The following TMEM151A variants were observed in gnomAD, a reference collection of about 807,000 sequenced individuals.
The protein encoded by TMEM151A is transmembrane protein 151A.
A neutral mutation model predicts 33.7 loss-of-function variants in TMEM151A; 21 were observed. The observed-to-expected ratio is 0.62, with a 90% confidence interval of 0.44 to 0.90. TMEM151A has a LOEUF of 0.90. Ranked by LOEUF, TMEM151A falls within the 40% of genes least tolerant of loss-of-function variation. The pLI, the probability that TMEM151A is intolerant of heterozygous loss-of-function variation, is 0.00. For missense variants in TMEM151A, 704 were observed against 697.7 expected, an observed-to-expected ratio of 1.01 and a Z score of -0.10; for synonymous variants, 374 against 330.3, an observed-to-expected ratio of 1.13 and a Z score of -1.43.
Position 66,292,488 on chromosome 11 carries a change from G to C in TMEM151A, c.75+400G>C, listed in dbSNP as rs561542189. 1.3e-5 allele frequency among the ~76,000 whole-genome samples: 2 copies of C among 152,204 alleles called. No homozygotes were observed. The highest frequency in any genetic ancestry group is 4.8e-5 in the African/African-American group (2 of 41,448). ...CGCCTGCAATGCAGCAGCAGTCGCAGAGCCTAGAGGGGAGGAGGGGAAGAG... is the reference window on the plus strand; with the variant it reads ...CGCCTGCAATGCAGCAGCAGTCGCACAGCCTAGAGGGGAGGAGGGGAAGAG... On this transcript the variant is annotated intron_variant, in intron 1 of 1. Coordinates refer to ENST00000327259, the MANE Select transcript of TMEM151A (RefSeq NM_153266.4). The surrounding 1 kb of genome is among the most constrained non-coding windows in gnomAD (Gnocchi z 4.7).
rs1590899762 is a variant in TMEM151A at position 66,292,191 on chromosome 11, C to T, written c.75+103C>T. Reference sequence around the variant, plus strand: ...GGGCTGAGGAGGGAAGTCCCAGAGCCCCTACGGCCAATGACGTCATTGGGG... The same window carrying T: ...GGGCTGAGGAGGGAAGTCCCAGAGCTCCTACGGCCAATGACGTCATTGGGG... On this transcript the variant is annotated intron_variant, in intron 1 of 1. Transcript: ENST00000327259. This position sits in a 1 kb window ranked among gnomAD's most constrained non-coding sequence, Gnocchi z 4.7. 1 of 1,042,510 alleles carries T rather than the reference C, an allele frequency of 9.6e-7. No individual in the cohort carries two copies. Among genetic ancestry groups the T allele is most frequent in the South Asian group, 2.0e-5 (1 of 50,136 alleles). The allele number at this position is 1,042,510 out of a possible 1,614,324, so 64.6% of individuals were successfully genotyped here.
rs1385627001 is a variant in TMEM151A at position 66,294,519 on chromosome 11, C to G, written c.273C>G (p.Ala91=). ...GAGGPPPTYP[A]SPCSDGYLYI... is the part of the protein sequence containing the mutation. Reference sequence around the variant, plus strand: ...GGGGCCCGCCACCGACCTACCCGGCCAGCCCCTGCTCCGATGGCTACCTGT... The same window carrying G: ...GGGGCCCGCCACCGACCTACCCGGCGAGCCCCTGCTCCGATGGCTACCTGT... The change falls in exon 2 of 2, where the codon GCC becomes GCG. Residue 91 remains alanine (A), a synonymous_variant. Coordinates refer to ENST00000327259, the MANE Select transcript of TMEM151A (RefSeq NM_153266.4). 1.2e-6 allele frequency: 2 copies of G among 1,610,268 alleles called. No individual in the cohort carries two copies. Among genetic ancestry groups the G allele is most frequent in the Non-Finnish European group, 1.7e-6 (2 of 1,178,388 alleles).
chr11:66,295,607 T>A lies in TMEM151A; in HGVS notation c.1361T>A (p.Val454Asp), dbSNP rs1414617767. ...GCCCTCTACTTCCCGGTGCTCATTG[T>A]CCACGGAGACAGCGGCTGCCAGGGG... ...EDALYFPVLI[V>D]HGDSGCQGDG... The change falls in exon 2 of 2, where the codon GTC (valine) becomes GAC (aspartate). Residue 454 changes from valine (V) to aspartate (D), a missense_variant. Transcript: ENST00000327259. 6 of 1,548,404 alleles carry A rather than the reference T, an allele frequency of 3.9e-6. No individual in the cohort carries two copies. Among genetic ancestry groups the A allele is most frequent in the African/African-American group, 2.9e-5 (2 of 70,126 alleles).
intron 1 of TMEM151A, among the ~76,000 whole-genome samples, chr11:66,293,779 G>A (rs539597135): frequency 7.2e-4 from 110 of 152,312 alleles, no homozygotes; most frequent in African/African-American, 2.6e-3. Context: ...TACAGATGAG[G>A]AAATTGAGGT....
At position 66,294,727 on chromosome 11, in the gene TMEM151A, C is replaced by T. The variant is rs1857492889; in HGVS notation, c.481C>T (p.Arg161Cys). Residue 161 changes from arginine (R) to cysteine (C), a missense_variant, in exon 2 of 2, where the codon CGC becomes TGC. Physicochemically the swap from Arg to Cys is radical, Grantham distance 180 (BLOSUM62 -3). Coordinates refer to ENST00000327259, the MANE Select transcript of TMEM151A (RefSeq NM_153266.4). ...WKATSYHYVR[R>C]TRQITRYRNG... ...GGCCACCAGCTATCACTACGTGCGG[C>T]GCACACGCCAGATCACGCGCTACCG... The T allele has an allele frequency of 1.3e-6, 2 of 1,559,560 alleles. No homozygotes were observed. The highest frequency in any genetic ancestry group is 1.7e-6 in the Non-Finnish European group (2 of 1,153,046).
chr11:66,295,756 A>G lies in TMEM151A; in HGVS notation c.*103A>G, dbSNP rs1476649904. ...AAACAGGCGGGAAAACAGACCAGCC[A>G]CACACAAGGGGCAGGGGTGAGGGTG... On this transcript the variant is annotated 3_prime_UTR_variant, in exon 2 of 2. Coordinates refer to ENST00000327259, the MANE Select transcript of TMEM151A (RefSeq NM_153266.4). 8.7e-7 allele frequency: 1 copy of G among 1,152,570 alleles called. No homozygotes were observed. The highest frequency in any genetic ancestry group is 1.6e-5 in the African/African-American group (1 of 61,776). 71.4% of individuals were successfully genotyped at this position (1,152,570 alleles called of 1,614,324 possible).
intron 1 of TMEM151A, among the ~76,000 whole-genome samples, chr11:66,293,056 C>T (rs1315639616): frequency 6.6e-6 from 1 of 152,044 alleles, no homozygotes; most frequent in Admixed American, 6.6e-5. Context: ...TTCTGGGAGT[C>T]TGTGCCCTGG....
At position 66,295,141 on chromosome 11, in the gene TMEM151A, C is replaced by T. The variant is rs1009033588; in HGVS notation, c.895C>T (p.Pro299Ser). 6.3e-7 allele frequency: 1 copy of T among 1,583,662 alleles called. No individual in the cohort carries two copies. Among genetic ancestry groups the T allele is most frequent in the South Asian group, 1.1e-5 (1 of 89,326 alleles). ...CGTGTCGGCGGCCACGCTGTCGTGG[C>T]CCCTGCGCGTCGTGGCCGCCTATGG... ...WLVSAATLSW[P>S]LRVVAAYGTA... is the part of the protein sequence containing the mutation. The change falls in exon 2 of 2, where the codon CCC (proline) becomes TCC (serine). Residue 299 changes from proline (P) to serine (S), a missense_variant. Around this residue, in one of 3 missense-constraint regions of TMEM151A, gnomAD observed 398 missense variants for 356.0 expected, o/e 1.12. Transcript: ENST00000327259.
In TMEM151A at chr11:66,294,471, G is replaced by A. The variant is rs761617854; in HGVS notation, c.225G>A (p.Glu75=). The change falls in exon 2 of 2, where the codon GAG becomes GAA. Residue 75 remains glutamate, a synonymous_variant. Transcript: ENST00000327259. ...TGCCGCGGCTGGTCCTGGGGCCCGA[G>A]GCCGCCTTGGCCCGGGGAGCCGGGG... is the stretch of plus-strand genomic sequence containing the variant. ...ATVPRLVLGP[E]AALARGAGGP... is the part of the protein sequence containing the mutation. The A allele has an allele frequency of 5.0e-6, 8 of 1,605,924 alleles. No individual in the cohort carries two copies. Among genetic ancestry groups the A allele is most frequent in the Non-Finnish European group, 6.8e-6 (8 of 1,176,218 alleles).
chr11:66,295,700 T>C lies in TMEM151A; in HGVS notation c.*47T>C. 7.2e-7 allele frequency: 1 copy of C among 1,385,856 alleles called. No homozygotes were observed. Among genetic ancestry groups the C allele is most frequent in the Non-Finnish European group, 9.4e-7 (1 of 1,063,284 alleles). The allele number at this position is 1,385,856 out of a possible 1,614,324, so 85.8% of individuals were successfully genotyped here. Reference sequence around the variant, plus strand: ...TGGCCCCCTCCCCACCATTCCACCATGGGCTTAGATGCCCGAGTGATTGTT... The same window carrying C: ...TGGCCCCCTCCCCACCATTCCACCACGGGCTTAGATGCCCGAGTGATTGTT... On this transcript the variant is annotated 3_prime_UTR_variant, in exon 2 of 2. Transcript: ENST00000327259.
At position 66,295,439 on chromosome 11, in the gene TMEM151A, G is replaced by A; in HGVS notation, c.1193G>A (p.Arg398His). 8.9e-6 allele frequency: 13 copies of A among 1,464,828 alleles called. No individual in the cohort carries two copies. The highest frequency in any genetic ancestry group is 2.7e-5 in the Admixed American group (1 of 37,212). The allele number at this position is 1,464,828 out of a possible 1,614,324, so 90.7% of individuals were successfully genotyped here. ...SLPPARPSGPRLPFSRSRLSL... is the reference protein window; with the variant it reads ...SLPPARPSGPHLPFSRSRLSL... The stretch of plus-strand genomic sequence containing the variant: ...CCCCCCGCCCGGCCCAGCGGGCCCC[G>A]CCTGCCCTTCAGCCGCAGCCGCCTC... Residue 398 changes from arginine to histidine, a missense_variant, in exon 2 of 2, where the codon CGC becomes CAC. By Grantham distance (29) the Arg-to-His change is conservative. This residue lies in a region of TMEM151A where 398 missense variants were observed against 356.0 expected (regional missense o/e 1.12). Coordinates refer to ENST00000327259, the MANE Select transcript of TMEM151A (RefSeq NM_153266.4).
At position 66,295,582 on chromosome 11, in the gene TMEM151A, G is replaced by C. The variant is rs769693225; in HGVS notation, c.1336G>C (p.Ala446Pro). ...PLESPPCYED[A>P]LYFPVLIVHG... ...GGAGAGCCCGCCCTGCTATGAGGAC[G>C]CCCTCTACTTCCCGGTGCTCATTGT... Residue 446 changes from alanine (A) to proline (P), a missense_variant, in exon 2 of 2, where the codon GCC becomes CCC. Physicochemically the swap from Ala to Pro is conservative, Grantham distance 27. Around this residue, in one of 3 missense-constraint regions of TMEM151A, gnomAD observed 398 missense variants for 356.0 expected, o/e 1.12. Transcript: ENST00000327259. The C allele has an allele frequency of 6.5e-7, 1 of 1,530,908 alleles. No homozygotes were observed. The highest frequency in any genetic ancestry group is 8.8e-7 in the Non-Finnish European group (1 of 1,141,438). The allele number at this position is 1,530,908 out of a possible 1,614,324, so 94.8% of individuals were successfully genotyped here. A position where few individuals can be genotyped will look rare whatever the true frequency, so the allele number is the denominator to read the frequency against.
chr11:66,294,735 C>G lies in TMEM151A; in HGVS notation c.489C>G (p.Arg163=). The change falls in exon 2 of 2, where the codon CGC becomes CGG. Residue 163 remains arginine (R), a synonymous_variant. Transcript: ENST00000327259. ...GCTATCACTACGTGCGGCGCACACG[C>G]CAGATCACGCGCTACCGCAACGGCG... ...ATSYHYVRRT[R]QITRYRNGDA... The G allele has an allele frequency of 6.4e-7, 1 of 1,554,532 alleles. No individual in the cohort carries two copies. Among genetic ancestry groups the G allele is most frequent in the Non-Finnish European group, 8.7e-7 (1 of 1,150,434 alleles).
intron 1 of TMEM151A, among the ~76,000 whole-genome samples, chr11:66,293,837 C>T (rs1424649947): frequency 6.6e-6 from 1 of 152,172 alleles, no homozygotes; most frequent in East Asian, 1.9e-4. Context: ...AGTAGTGGAG[C>T]CAGCACTGGC....
At position 66,295,056 on chromosome 11, in the gene TMEM151A, C is replaced by G. The variant is rs369380801; in HGVS notation, c.810C>G (p.Leu270=). 16 of 1,598,650 alleles carry G rather than the reference C, an allele frequency of 1.0e-5. No homozygotes were observed. Among genetic ancestry groups the G allele is most frequent in the African/African-American group, 4.0e-5 (3 of 74,884 alleles). ...HLKDVDFRES[L]MVFADPRSPP... ...AGGACGTAGACTTCCGCGAGTCGCT[C>G]ATGGTCTTCGCCGACCCCCGCAGCC... The change falls in exon 2 of 2, where the codon CTC becomes CTG. Residue 270 remains leucine (L), a synonymous_variant. Transcript: ENST00000327259.
At position 66,295,335 on chromosome 11, in the gene TMEM151A, C is replaced by T. The variant is rs1187103818; in HGVS notation, c.1089C>T (p.Ala363=). The T allele has an allele frequency of 3.1e-6, 5 of 1,587,964 alleles. No individual in the cohort carries two copies. The highest frequency in any genetic ancestry group is 3.4e-6 in the Non-Finnish European group (4 of 1,168,618). Residue 363 remains alanine, a synonymous_variant, in exon 2 of 2, where the codon GCC becomes GCT. Transcript: ENST00000327259. ...AGCTGGTGCCCAGCTACTCGGAGGC[C>T]GTGGTCATGGGCGCGGGCTCGGGCG... is the stretch of plus-strand genomic sequence containing the variant. ...NRQLVPSYSE[A]VVMGAGSGAY...
In TMEM151A at chr11:66,295,524, G is replaced by C; in HGVS notation, c.1278G>C (p.Pro426=). The C allele has an allele frequency of 7.1e-7, 1 of 1,400,440 alleles. No homozygotes were observed. Among genetic ancestry groups the C allele is most frequent in the Non-Finnish European group, 9.3e-7 (1 of 1,076,584 alleles). 86.8% of individuals were successfully genotyped at this position (1,400,440 alleles called of 1,614,324 possible). ...PGVFRSLSGG[P]LGRRGEDTEP... ...TCTTCCGCAGCCTGAGCGGGGGGCC[G>C]CTGGGGCGCCGTGGAGAGGACACGG... Residue 426 remains proline (P), a synonymous_variant, in exon 2 of 2, where the codon CCG becomes CCC. Coordinates refer to ENST00000327259, the MANE Select transcript of TMEM151A (RefSeq NM_153266.4).
rs1361268300 is a variant in TMEM151A, at chr11:66,295,769, A to AG, written c.*120dup. 151 of 490,888 alleles carry AG rather than the reference A, an allele frequency of 3.1e-4. 1 individual carries two copies. Among genetic ancestry groups the AG allele is most frequent in the African/African-American group, 3.1e-3 (145 of 47,268 alleles). The allele number at this position is 490,888 out of a possible 1,614,324, so 30.4% of individuals were successfully genotyped here. ...AACAGACCAGCCACACACAAGGGGC[A>AG]GGGGTGAGGGTGGGGGTGGGGGTCC... On this transcript the variant is annotated 3_prime_UTR_variant, in exon 2 of 2. Coordinates refer to ENST00000327259, the MANE Select transcript of TMEM151A (RefSeq NM_153266.4).
chr11:66,295,142 C>A lies in TMEM151A; in HGVS notation c.896C>A (p.Pro299His). 1 of 1,582,540 alleles carries A rather than the reference C, an allele frequency of 6.3e-7. No homozygotes were observed. The change falls in exon 2 of 2, where the codon CCC becomes CAC. Residue 299 changes from proline to histidine, a missense_variant. Transcript: ENST00000327259. ...WLVSAATLSW[P>H]LRVVAAYGTA... ...GTGTCGGCGGCCACGCTGTCGTGGC[C>A]CCTGCGCGTCGTGGCCGCCTATGGC...
Sources: gnomAD v4.1 joint callset for allele counts (sites outside exome capture counted in the v4.1 genomes callset) on GRCh38, gnomAD v4.1.1 for gene constraint, gnomAD v4.1.1 regional missense constraint, Gnocchi (gnomAD v3.1) non-coding constraint, MANE v1.5 for transcripts, NCBI Gene and HGNC (gene_info 2026-07-23, HGNC 2026-07-21) for gene names.